Variants in NF2 observed in about 807,000 individuals in gnomAD.
The protein encoded by NF2 is merlin.
NF2 carries 8 observed loss-of-function variants against 83.7 expected under a neutral mutation model. That is an observed-to-expected ratio of 0.10 (90% CI 0.06 to 0.17). The LOEUF (loss-of-function observed/expected upper bound fraction) is 0.17. Ranked by LOEUF, NF2 falls within the 10% of genes least tolerant of loss-of-function variation. NF2 has a pLI of 1.00. For missense variants in NF2, 533 were observed against 744.4 expected, an observed-to-expected ratio of 0.72 and a Z score of 3.31; for synonymous variants, 266 against 269.6, an observed-to-expected ratio of 0.99 and a Z score of 0.13.
At chr22:29,616,711 C>T (rs527615310) in intron 1 of NF2, among the ~76,000 whole-genome samples, 1 of 150,506 alleles carries the variant, frequency 6.6e-6, no homozygotes, top group South Asian at 2.1e-4. Context: ...CGTTGCACTC[C>T]AGCCTGGGCA....
Position 29,673,273 on chromosome 22 carries a change from G to C in NF2, c.1127G>C (p.Arg376Pro). 6.4e-7 allele frequency: 1 copy of C among 1,569,524 alleles called. No homozygotes were observed. Among genetic ancestry groups the C allele is most frequent in the Non-Finnish European group, 8.6e-7 (1 of 1,156,850 alleles). The stretch of plus-strand genomic sequence containing the variant: ...TAAGAGCACTGTGCCCTCCAGATGC[G>C]GTCTGAGGAGACAGCTGACCTGTTG... Reference protein sequence around the residue: ...EATMANEALMRSEETADLLAE... With the variant: ...EATMANEALMPSEETADLLAE... The change falls in exon 12 of 16, where the codon CGG becomes CCG. Residue 376 changes from arginine (R) to proline (P), a missense_variant. Transcript: ENST00000338641.
At chr22:29,620,312 T>G (rs903892008) in intron 1 of NF2, among the ~76,000 whole-genome samples, 11 of 151,712 alleles carry the variant, frequency 7.3e-5, no homozygotes, top group African/African-American at 2.4e-4. Flanking sequence ...TCCTAACTAC[T>G]TGGTAGGCTG....
At chr22:29,638,936 T>C (rs2065722682) in intron 2 of NF2, among the ~76,000 whole-genome samples, 154 bp from the exon 3 acceptor site, 1 of 152,236 alleles carries the variant, frequency 6.6e-6, no homozygotes, top group African/African-American at 2.4e-5. Context: ...GGTGACTTTG[T>C]GAATACTTCA....
intron 8 of NF2, among the ~76,000 whole-genome samples, chr22:29,662,918 C>G (rs574175261): frequency 1.3e-5 from 2 of 152,318 alleles, no homozygotes; most frequent in South Asian, 4.2e-4. Flanking sequence ...ACAGGAACAG[C>G]TTATGTTGCT....
chr22:29,679,169 TCCA>T (rs1443449953), intron 14 of NF2, among the ~76,000 whole-genome samples: 1 of 152,208 alleles, frequency 6.6e-6, no homozygotes, highest in African/African-American at 2.4e-5. Context: ...TTTAGTGAAC[TCCA>T]CCAGCATCCC....
At chr22:29,668,307 C>T (rs1445853713) in intron 9 of NF2, 26 bp from the exon 10 acceptor site, 8 of 1,579,472 alleles carry the variant, frequency 5.1e-6, no homozygotes, top group Non-Finnish European at 7.0e-6. Flanking sequence ...GGATATTAAC[C>T]TTTTTGTCTG....
chr22:29,642,749 G>A (rs1160278984), intron 4 of NF2, among the ~76,000 whole-genome samples: 2 of 151,860 alleles, frequency 1.3e-5, no homozygotes, highest in Non-Finnish European at 2.9e-5. Flanking sequence ...GGTCAGAAAG[G>A]CCCAGGTCCT....
chr22:29,633,662 A>T (rs1234637113), intron 1 of NF2, among the ~76,000 whole-genome samples: 1 of 152,138 alleles, frequency 6.6e-6, no homozygotes, highest in Admixed American at 6.5e-5. Flanking sequence ...TCCCAAATGG[A>T]GCCCCATTCC....
chr22:29,650,114 G>T (rs955576120), intron 4 of NF2, among the ~76,000 whole-genome samples: 1 of 151,742 alleles, frequency 6.6e-6, no homozygotes, highest in Non-Finnish European at 1.5e-5. Context: ...TCTTTTTGGG[G>T]TGATGGAAAT....
intron 2 of NF2, among the ~76,000 whole-genome samples, chr22:29,637,821 A>C (rs908514095): frequency 2.0e-5 from 3 of 152,180 alleles, no homozygotes; most frequent in African/African-American, 7.2e-5. Flanking sequence ...CCCAATGATC[A>C]TGAGCATCTA....
At chr22:29,618,798 T>C (rs1473441169) in intron 1 of NF2, among the ~76,000 whole-genome samples, 1 of 152,182 alleles carries the variant, frequency 6.6e-6, no homozygotes, top group East Asian at 1.9e-4. Flanking sequence ...AATACCAACA[T>C]TGCAGATCAT....
intron 4 of NF2, among the ~76,000 whole-genome samples, chr22:29,644,367 G>A (rs1414691463): frequency 6.6e-6 from 1 of 151,928 alleles, no homozygotes; most frequent in Non-Finnish European, 1.5e-5. Context: ...TGTGATGGCG[G>A]CCGGGAAGAG....
At chr22:29,607,220 G>A (rs1314988792) in intron 1 of NF2, among the ~76,000 whole-genome samples, 1 of 152,136 alleles carries the variant, frequency 6.6e-6, no homozygotes, top group African/African-American at 2.4e-5. Context: ...GGCAGAGGTG[G>A]AAAAAAATGC....
intron 4 of NF2, among the ~76,000 whole-genome samples, chr22:29,651,456 C>G (rs2066145207): frequency 1.3e-5 from 2 of 152,174 alleles, no homozygotes; most frequent in African/African-American, 4.8e-5. Flanking sequence ...ACCTGAAATC[C>G]AAGCTTCCTT....
At chr22:29,672,098 C>A in intron 11 of NF2, 150 bp downstream of exon 11, 1 of 1,201,112 alleles carries the variant, frequency 8.3e-7, no homozygotes, top group Non-Finnish European at 1.2e-6. Context: ...TTTCTTTTCA[C>A]CTGTGTTGGC....
intron 4 of NF2, among the ~76,000 whole-genome samples, chr22:29,649,432 G>C (rs145858636): frequency 0.022 from 3,378 of 152,274 alleles, 60 homozygotes; most frequent in Non-Finnish European, 0.032. Context: ...CGGGTGCGGT[G>C]GCTCACGCCT....
chr22:29,683,210 T>C (rs948767489), intron 15 of NF2: 1 of 1,597,834 alleles, frequency 6.3e-7, no homozygotes, highest in Non-Finnish European at 8.5e-7. Context: ...CGCAGCATGC[T>C]TTGAGTCTAA....
At chr22:29,672,035 TAGC>T in intron 11 of NF2, 87 bp downstream of exon 11, 2 of 1,586,788 alleles carry the variant, frequency 1.3e-6, no homozygotes, top group Non-Finnish European at 1.7e-6. Flanking sequence ...AACCATGAGT[TAGC>T]AGCGTTTGCT....
chr22:29,628,508 G>A lies in NF2; in HGVS notation c.115-8243G>A, dbSNP rs181682202. Among the ~76,000 whole-genome samples, 439 of 151,976 alleles carry A rather than the reference G, an allele frequency of 2.9e-3. 3 individuals carry two copies. Among genetic ancestry groups the A allele is most frequent in the African/African-American group, 0.01 (419 of 41,386 alleles). On this transcript the variant is annotated intron_variant, in intron 1 of 15. Transcript: ENST00000338641. ...TAAATAGATTTGGCATAATAACAGA[G>A]ATGATTGGAGAACTGGGAGAAGAAA...
Sources: gnomAD v4.1 joint callset for allele counts (sites outside exome capture counted in the v4.1 genomes callset) on GRCh38, gnomAD v4.1.1 for gene constraint, MANE v1.5 for transcripts, NCBI Gene and HGNC (gene_info 2026-07-23, HGNC 2026-07-21) for gene names.